SART1: variants seen among roughly 807,000 people sequenced by gnomAD.
The protein encoded by SART1 is U4/U6.U5 tri-snRNP-associated protein 1.
In SART1, 28 loss-of-function variants were observed where a neutral mutation model predicts 105.0. The observed-to-expected ratio is 0.27, with a 90% CI of 0.20 to 0.37. The LOEUF (loss-of-function observed/expected upper bound fraction) is 0.37. Among genes scored for constraint, SART1 ranks in the 10% least tolerant of loss-of-function variants. The pLI, the probability that SART1 is intolerant of heterozygous loss-of-function variation, is 1.00. For synonymous variants in SART1, 472 were observed against 462.9 expected, an observed-to-expected ratio of 1.02 and a Z score of -0.25; for missense variants, 894 against 1,106.5, an observed-to-expected ratio of 0.81 and a Z score of 2.72.
intron 9 of SART1, among the ~76,000 whole-genome samples, chr11:65,967,008 C>T (rs1855273711): frequency 6.6e-6 from 1 of 152,070 alleles, no homozygotes; most frequent in South Asian, 2.1e-4. Context: ...GACTCTGGAG[C>T]CAGACTGCCC....
rs1467255307 is a variant in SART1 at position 65,974,683 on chromosome 11, T to C, written c.1573-1712T>C. On this transcript the variant is annotated intron_variant, in intron 12 of 19. Transcript: ENST00000312397. ...GATAGAGTGAGATGGTCTCAATAAA[T>C]AAGTAGCATATGATGCATTAGATAT... Among the ~76,000 whole-genome samples, 8 of 150,960 alleles carry C rather than the reference T, an allele frequency of 5.3e-5. No individual in the cohort carries two copies. In the Admixed American group the frequency reaches 5.3e-4, roughly 10 times the overall value.
intron 1 of SART1, 103 bp downstream of exon 1, chr11:65,962,196 A>C (rs1855159534): frequency 2.3e-6 from 2 of 871,620 alleles, no homozygotes; most frequent in Non-Finnish European, 3.3e-6. Flanking sequence ...AGGCCAGGAA[A>C]CCCCCAAGCT....
rs928801674 is a variant in SART1, at chr11:65,976,238, G to A, written c.1573-157G>A. On this transcript the variant is annotated intron_variant, in intron 12 of 19. Coordinates refer to ENST00000312397, the MANE Select transcript of SART1 (RefSeq NM_005146.5). This position sits in a 1 kb window ranked among gnomAD's most constrained non-coding sequence, Gnocchi z 5.1. ...CAGAAGAGTGACCCCAGTGAAAGAGGTGCAGAGTGGAGTTAGGCGGCAGAT... is the reference window on the plus strand; with the variant it reads ...CAGAAGAGTGACCCCAGTGAAAGAGATGCAGAGTGGAGTTAGGCGGCAGAT... Among the ~76,000 whole-genome samples, 4 of 152,182 alleles carry A rather than the reference G, an allele frequency of 2.6e-5. No homozygotes were observed. Among genetic ancestry groups the A allele is most frequent in the Admixed American group, 2.0e-4 (3 of 15,278 alleles).
chr11:65,967,897 C>A, intron 12 of SART1, 76 bp downstream of exon 12: 1 of 1,210,692 alleles, frequency 8.3e-7, no homozygotes, highest in Non-Finnish European at 1.1e-6. Flanking sequence ...TAGGCGACAG[C>A]CACATTCCTG....
At chr11:65,965,537 G>C (rs72928814) in intron 5 of SART1, 90 bp downstream of exon 5, 4 of 1,403,040 alleles carry the variant, frequency 2.9e-6, no homozygotes, top group Admixed American at 4.2e-5. Context: ...GAGGTGAGAC[G>C]GGGCTTGGAG....
intron 15 of SART1, 144 bp from the exon 16 acceptor site, chr11:65,977,419 T>TTGAA: frequency 1.4e-6 from 1 of 697,828 alleles, no homozygotes; most frequent in Non-Finnish European, 2.5e-6. Context: ...TTCTGCATCT[T>TTGAA]TGCTTTGCCT....
At chr11:65,964,912 T>A in intron 3 of SART1, 180 bp from the exon 4 acceptor site, 2 of 764,170 alleles carry the variant, frequency 2.6e-6, no homozygotes, top group Non-Finnish European at 4.0e-6. Flanking sequence ...AGGGTCCTGT[T>A]GTGCTGCATG....
At position 65,976,121 on chromosome 11, in the gene SART1, G is replaced by A. The variant is rs930858128; in HGVS notation, c.1573-274G>A. On this transcript the variant is annotated intron_variant, in intron 12 of 19. Transcript: ENST00000312397. The surrounding 1 kb of genome is among the most constrained non-coding windows in gnomAD (Gnocchi z 5.1). ...GCTGAGGTAGTGTGTGAGGGGCTTT[G>A]GAGGGGGATTGGCACAGGCCTGGTC... is the stretch of plus-strand genomic sequence containing the variant. Among the ~76,000 whole-genome samples the A allele has an allele frequency of 2.0e-5, 3 of 152,142 alleles. No homozygotes were observed. The highest frequency in any genetic ancestry group is 2.9e-5 in the Non-Finnish European group (2 of 68,018).
At chr11:65,972,272 G>C (rs1252984260) in intron 12 of SART1, among the ~76,000 whole-genome samples, 1 of 152,160 alleles carries the variant, frequency 6.6e-6, no homozygotes, top group Non-Finnish European at 1.5e-5. Context: ...AGAACAGAGA[G>C]ACCAGACAGC....
chr11:65,967,044 A>T (rs889901082), intron 9 of SART1, among the ~76,000 whole-genome samples: 1 of 152,088 alleles, frequency 6.6e-6, no homozygotes, highest in Non-Finnish European at 1.5e-5. Context: ...GAGCTGGGCA[A>T]CCTTGGGGAA....
In SART1 at chr11:65,978,527, T is replaced by TA. The variant is rs1045157474; in HGVS notation, c.2173-72dup. The TA allele has an allele frequency of 1.3e-4, 184 of 1,435,346 alleles. No individual in the cohort carries two copies. The Admixed American group carries it at 3.6e-3, about 28-fold the overall frequency. The allele number at this position is 1,435,346 out of a possible 1,614,324, so 88.9% of individuals were successfully genotyped here. A position where few individuals can be genotyped will look rare whatever the true frequency, so the allele number is the denominator to read the frequency against. On this transcript the variant is annotated intron_variant, in intron 17 of 19. Coordinates refer to ENST00000312397, the MANE Select transcript of SART1 (RefSeq NM_005146.5). This position sits in a 1 kb window ranked among gnomAD's most constrained non-coding sequence, Gnocchi z 6.8. ...TCAATCAACACCCGCCCTGTTATTA[T>TA]ACACCTTGTGGGCACAGGTGGCTCC...
At chr11:65,962,532 A>T (rs56239996) in intron 1 of SART1, among the ~76,000 whole-genome samples, 55,503 of 151,408 alleles carry the variant, frequency 0.37, 11,877 homozygotes, top group Admixed American at 0.54. Context: ...TGTAGGGCGC[A>T]TGGTAGAGAA....
intron 1 of SART1, among the ~76,000 whole-genome samples, chr11:65,962,504 C>T (rs978434287): frequency 1.3e-5 from 2 of 152,122 alleles, no homozygotes; most frequent in African/African-American, 4.8e-5. Context: ...CAAGAAAAAC[C>T]TGGTATTGGA....
intron 3 of SART1, 172 bp from the exon 4 acceptor site, chr11:65,964,920 A>G (rs1855216427): frequency 2.5e-6 from 2 of 811,836 alleles, no homozygotes; most frequent in Non-Finnish European, 1.8e-6. Context: ...GTTGTGCTGC[A>G]TGGGTTGGCC....
intron 12 of SART1, among the ~76,000 whole-genome samples, chr11:65,974,883 CA>C (rs1189384033): frequency 6.6e-6 from 1 of 151,016 alleles, no homozygotes; most frequent in Non-Finnish European, 1.5e-5. Flanking sequence ...AAAAAAAATA[CA>C]AAAAAATTAG....
In SART1 at chr11:65,976,592, T is replaced by C. The variant is rs534094670; in HGVS notation, c.1746+24T>C. The C allele has an allele frequency of 2.0e-5, 33 of 1,613,544 alleles. No individual in the cohort carries two copies. The highest frequency in any genetic ancestry group is 2.3e-5 in the Non-Finnish European group (27 of 1,179,904). Reference sequence around the variant, plus strand: ...TGGTGCGTCTGGGGCGGCCCCGCCCTCTGCTTCCCTCGGCTGGGTGGGCTG... The same window carrying C: ...TGGTGCGTCTGGGGCGGCCCCGCCCCCTGCTTCCCTCGGCTGGGTGGGCTG... On this transcript the variant is annotated intron_variant, in intron 13 of 19. Coordinates refer to ENST00000312397, the MANE Select transcript of SART1 (RefSeq NM_005146.5). The surrounding 1 kb of genome is among the most constrained non-coding windows in gnomAD (Gnocchi z 5.1).
Position 65,976,669 on chromosome 11 carries a change from A to C in SART1, c.1760A>C (p.Asp587Ala). The part of the protein sequence containing the change: ...EQEELMDFER[D>A]EERSANGGSE... The stretch of plus-strand genomic sequence containing the variant: ...TTTGTGCCCCAGGACTTTGAACGGG[A>C]TGAGGAGCGCTCAGCCAACGGTGGC... Residue 587 changes from aspartate (D) to alanine (A), a missense_variant, in exon 14 of 20, where the codon GAT (aspartate) becomes GCT (alanine). This residue lies in a region of SART1 where 182 missense variants were observed against 328.3 expected (regional missense o/e 0.55). Coordinates refer to ENST00000312397, the MANE Select transcript of SART1 (RefSeq NM_005146.5). The surrounding 1 kb of genome is among the most constrained non-coding windows in gnomAD (Gnocchi z 5.1). 1 of 1,613,640 alleles carries C rather than the reference A, an allele frequency of 6.2e-7. No homozygotes were observed. The highest frequency in any genetic ancestry group is 8.5e-7 in the Non-Finnish European group (1 of 1,179,894).
In SART1 at chr11:65,968,391, T is replaced by C. The variant is rs74743258; in HGVS notation, c.1572+570T>C. 0.014 allele frequency among the ~76,000 whole-genome samples: 2,192 copies of C among 152,272 alleles called. 83 individuals carry two copies. In the East Asian group the frequency reaches 0.16, roughly 11 times the overall value. On this transcript the variant is annotated intron_variant, in intron 12 of 19. Coordinates refer to ENST00000312397, the MANE Select transcript of SART1 (RefSeq NM_005146.5). ...ATTGTTCTTGGGCTGAGAAGGTCAT[T>C]GGTGAACAGGATAGCCATGGGGCCC...
Position 65,978,281 on chromosome 11 carries a change from C to G in SART1, c.2173-319C>G. On this transcript the variant is annotated intron_variant, in intron 17 of 19. Coordinates refer to ENST00000312397, the MANE Select transcript of SART1 (RefSeq NM_005146.5). The surrounding 1 kb of genome is among the most constrained non-coding windows in gnomAD (Gnocchi z 6.8). ...TCCTGCCCTACCACTCAGCTGCCCC[C>G]TTGCTCTCTGGGGTTTGTCTCCCTG... 2.0e-6 allele frequency: 1 copy of G among 504,632 alleles called. No homozygotes were observed. Among genetic ancestry groups the G allele is most frequent in the Non-Finnish European group, 3.6e-6 (1 of 277,962 alleles). 31.3% of individuals were successfully genotyped at this position (504,632 alleles called of 1,614,324 possible).
Sources: allele counts gnomAD v4.1 joint callset (sites outside exome capture counted in the v4.1 genomes callset), GRCh38; gene constraint gnomAD v4.1.1; regional missense constraint gnomAD v4.1.1; non-coding constraint Gnocchi (gnomAD v3.1); transcripts MANE v1.5; gene names NCBI Gene and HGNC (gene_info 2026-07-23, HGNC 2026-07-21).